The following IPCEF1 variants were observed in gnomAD, a reference collection of about 807,000 sequenced individuals.
IPCEF1 encodes the protein interaction protein for cytohesin exchange factors 1.
IPCEF1 carries 31 observed loss-of-function variants against 50.9 expected under a neutral mutation model. The ratio of observed to expected loss-of-function variants is 0.61; its 90% CI spans 0.46 to 0.82. The LOEUF is 0.82. Among genes scored for constraint, IPCEF1 ranks in the 40% least tolerant of loss-of-function variants. The pLI, the probability that IPCEF1 is intolerant of heterozygous loss-of-function variation, is 0.00. For synonymous variants in IPCEF1, 181 were observed against 192.0 expected (o/e 0.94, Z 0.47); for missense variants, 458 against 514.0 (o/e 0.89, Z 1.05).
chr6:154,247,439 A>T lies in IPCEF1; in HGVS notation c.76+10T>A. 1.2e-6 allele frequency: 2 copies of T among 1,609,926 alleles called. No individual in the cohort carries two copies. Among genetic ancestry groups the T allele is most frequent in the Non-Finnish European group, 1.7e-6 (2 of 1,176,480 alleles). ...AAATGGAGATAAAGAAACAAAAGAG[A>T]TCTAATTACCTTGAGTTTTCCTCCT... On this transcript the variant is annotated intron_variant, in intron 4 of 11. Transcript: ENST00000367220.
chr6:154,201,415 G>C (rs914937874), intron 9 of IPCEF1, among the ~76,000 whole-genome samples: 6 of 152,070 alleles, frequency 3.9e-5, no homozygotes, highest in African/African-American at 1.4e-4. Flanking sequence ...GCAAAATAAA[G>C]ATTCAGCAAC....
chr6:154,331,299 G>C (rs1783653429), intron 1 of IPCEF1, among the ~76,000 whole-genome samples: 1 of 146,750 alleles, frequency 6.8e-6, no homozygotes, highest in Non-Finnish European at 1.5e-5. Flanking sequence ...GAGAGAGAAA[G>C]AAAGAAAGAA....
chr6:154,327,331 A>C (rs530900581), intron 1 of IPCEF1, among the ~76,000 whole-genome samples: 1 of 152,220 alleles, frequency 6.6e-6, no homozygotes, highest in Admixed American at 6.5e-5. Context: ...CAAAGGTCTA[A>C]TATCCAGAGT....
At chr6:154,338,003 A>G (rs553350094) in intron 1 of IPCEF1, among the ~76,000 whole-genome samples, 1 of 152,332 alleles carries the variant, frequency 6.6e-6, no homozygotes, top group African/African-American at 2.4e-5. Flanking sequence ...CCATCCTACT[A>G]GTCAATGGCT....
intron 1 of IPCEF1, among the ~76,000 whole-genome samples, chr6:154,318,326 T>C (rs1251823551): frequency 6.6e-6 from 1 of 152,134 alleles, no homozygotes; most frequent in Non-Finnish European, 1.5e-5. Flanking sequence ...TTTCACTACA[T>C]GAAGACCAAG....
At chr6:154,230,942 T>C in intron 5 of IPCEF1, among the ~76,000 whole-genome samples, 1 of 152,166 alleles carries the variant, frequency 6.6e-6, no homozygotes. Context: ...AGAATTGAAA[T>C]TCTTGAAATT....
intron 5 of IPCEF1, among the ~76,000 whole-genome samples, chr6:154,243,707 C>T (rs550159049): frequency 6.6e-6 from 1 of 152,226 alleles, no homozygotes; most frequent in East Asian, 1.9e-4. Flanking sequence ...TATCCTGGCC[C>T]GAGAGGGAGT....
intron 7 of IPCEF1, among the ~76,000 whole-genome samples, chr6:154,216,546 GAA>G (rs1778409450): frequency 6.6e-6 from 1 of 152,168 alleles, no homozygotes; most frequent in African/African-American, 2.4e-5. Context: ...GGTATGCATA[GAA>G]AAGTGTCAGG....
intron 11 of IPCEF1, among the ~76,000 whole-genome samples, chr6:154,166,715 GAGTC>G (rs151142066): frequency 0.041 from 6,255 of 152,212 alleles, 408 homozygotes; most frequent in African/African-American, 0.14. Context: ...TACATAGTAA[GAGTC>G]AGGAAATACT....
Position 154,246,935 on chromosome 6 carries a change from C to CAAAAAAAAAAAAAAAAAAA in IPCEF1, c.77-176_77-175insTTTTTTTTTTTTTTTTTTT, listed in dbSNP as rs10543127. ...ATGCAAAACCTATGCAAAACCAATG[C>CAAAAAAAAAAAAAAAAAAA]AAAAAAAAAAAAAAAAAGCCATGTG... is the stretch of plus-strand genomic sequence containing the variant. On this transcript the variant is annotated intron_variant, in intron 4 of 11. Transcript: ENST00000367220. The CAAAAAAAAAAAAAAAAAAA allele has an allele frequency of 4.2e-5, 10 of 238,152 alleles. 2 individuals are homozygous for CAAAAAAAAAAAAAAAAAAA. The highest frequency in any genetic ancestry group is 5.5e-5 in the African/African-American group (2 of 36,130). The allele number at this position is 238,152 out of a possible 1,614,324, so 14.8% of individuals were successfully genotyped here. A position where few individuals can be genotyped will look rare whatever the true frequency, so the allele number is the denominator to read the frequency against.
At chr6:154,277,745 C>T (rs1782099339) in intron 2 of IPCEF1, among the ~76,000 whole-genome samples, 1 of 152,182 alleles carries the variant, frequency 6.6e-6, no homozygotes, top group African/African-American at 2.4e-5. Context: ...TTCACCTTTC[C>T]CTGAACACAT....
At chr6:154,266,484 A>C (rs1277396132) in intron 2 of IPCEF1, among the ~76,000 whole-genome samples, 1 of 150,856 alleles carries the variant, frequency 6.6e-6, no homozygotes, top group Admixed American at 6.6e-5. Context: ...ATAAGCCAGA[A>C]TTTCATTTAT....
intron 9 of IPCEF1, among the ~76,000 whole-genome samples, chr6:154,201,254 T>C (rs1777046617): frequency 6.6e-6 from 1 of 152,226 alleles, no homozygotes; most frequent in African/African-American, 2.4e-5. Flanking sequence ...CCAACAATTC[T>C]TGGAAAGAAC....
At chr6:154,343,556 T>C (rs1783963204) in intron 1 of IPCEF1, among the ~76,000 whole-genome samples, 1 of 152,140 alleles carries the variant, frequency 6.6e-6, no homozygotes, top group Non-Finnish European at 1.5e-5. Context: ...CATTTCTCCA[T>C]GTTGATCAGA....
intron 2 of IPCEF1, among the ~76,000 whole-genome samples, chr6:154,288,390 G>A (rs535788185): frequency 7.2e-4 from 110 of 152,278 alleles, no homozygotes; most frequent in African/African-American, 2.1e-3. Context: ...GCGGCCGGGC[G>A]CGGTGGCTCA....
At chr6:154,241,973 T>A (rs1218820947) in intron 5 of IPCEF1, among the ~76,000 whole-genome samples, 1 of 152,172 alleles carries the variant, frequency 6.6e-6, no homozygotes, top group East Asian at 1.9e-4. Flanking sequence ...TTGTTTTAAA[T>A]CCCAGTTCTG....
At chr6:154,355,813 T>A (rs1455674911) in intron 1 of IPCEF1, among the ~76,000 whole-genome samples, 2 of 151,306 alleles carry the variant, frequency 1.3e-5, no homozygotes, top group Non-Finnish European at 1.5e-5. Flanking sequence ...TTCTTTTCTT[T>A]CTTTTTTTTT....
intron 6 of IPCEF1, 126 bp from the exon 7 acceptor site, chr6:154,221,454 T>G: frequency 1.4e-6 from 1 of 723,700 alleles, no homozygotes; most frequent in Non-Finnish European, 2.3e-6. Context: ...TTACAAAAAA[T>G]AATTTAGTAA....
intron 11 of IPCEF1, among the ~76,000 whole-genome samples, chr6:154,162,610 T>C (rs1444239625): frequency 1.3e-5 from 2 of 152,216 alleles, no homozygotes; most frequent in African/African-American, 2.4e-5. Context: ...AATTGCTACT[T>C]ACTCCCACCT....
Sources: allele counts gnomAD v4.1 joint callset (sites outside exome capture counted in the v4.1 genomes callset), GRCh38; gene constraint gnomAD v4.1.1; transcripts MANE v1.5; gene names NCBI Gene and HGNC (gene_info 2026-07-23, HGNC 2026-07-21).